The following SLC25A26 variants were observed in gnomAD, a reference collection of about 807,000 sequenced individuals.
SLC25A26 encodes the protein mitochondrial S-adenosylmethionine carrier protein.
Under a neutral mutation model 37.8 loss-of-function variants are expected in SLC25A26, and 36 were observed. That is an observed-to-expected ratio of 0.95 (90% confidence interval 0.73 to 1.26). The LOEUF (loss-of-function observed/expected upper bound fraction) is 1.26. Ranked by LOEUF, SLC25A26 falls within the 50% of genes most tolerant of loss-of-function variation. The pLI, the probability that SLC25A26 is intolerant of heterozygous loss-of-function variation, is 0.00. For missense variants in SLC25A26, 390 were observed against 331.1 expected, an observed-to-expected ratio of 1.18 and a Z score of -1.38; for synonymous variants, 129 against 122.5, an observed-to-expected ratio of 1.05 and a Z score of -0.35.
intron 1 of SLC25A26, among the ~76,000 whole-genome samples, chr3:66,145,125 G>GA (rs546816231): frequency 3.5e-4 from 53 of 151,174 alleles, no homozygotes; most frequent in South Asian, 1.3e-3. Flanking sequence ...TATTAACAAT[G>GA]AAAAAAAAAT....
At chr3:66,358,642 C>T (rs1409050723) in intron 6 of SLC25A26, among the ~76,000 whole-genome samples, 1 of 152,170 alleles carries the variant, frequency 6.6e-6, no homozygotes, top group Non-Finnish European at 1.5e-5. Context: ...TACTTAACAT[C>T]TTTGAGCCTC....
At chr3:66,261,037 G>A (rs578205606) in intron 3 of SLC25A26, among the ~76,000 whole-genome samples, 31 of 152,262 alleles carry the variant, frequency 2.0e-4, no homozygotes, top group African/African-American at 7.5e-4. Context: ...TTTGAGTTGT[G>A]TACTCTATTT....
At chr3:66,264,551 C>A (rs573154179) in intron 5 of SLC25A26, among the ~76,000 whole-genome samples, 1 of 152,116 alleles carries the variant, frequency 6.6e-6, no homozygotes, top group East Asian at 1.9e-4. Flanking sequence ...CATAGGAACA[C>A]GAACCCTATT....
At chr3:66,305,496 A>G (rs2075192212) in intron 5 of SLC25A26, among the ~76,000 whole-genome samples, 1 of 152,188 alleles carries the variant, frequency 6.6e-6, no homozygotes, top group East Asian at 1.9e-4. Flanking sequence ...TATGTAGGAT[A>G]TGCAGCTTTG....
chr3:66,259,285 T>C (rs2073428420), intron 3 of SLC25A26, among the ~76,000 whole-genome samples: 1 of 152,242 alleles, frequency 6.6e-6, no homozygotes, highest in Non-Finnish European at 1.5e-5. Context: ...GTTCTCTCTT[T>C]GGGTGTTACT....
At chr3:66,357,655 TGA>T (rs2076606661) in intron 6 of SLC25A26, among the ~76,000 whole-genome samples, 1 of 152,084 alleles carries the variant, frequency 6.6e-6, no homozygotes, top group Non-Finnish European at 1.5e-5. Flanking sequence ...TCTGTGGCAA[TGA>T]AATTACTTAT....
intron 1 of SLC25A26, among the ~76,000 whole-genome samples, chr3:66,192,954 G>GA (rs1359017527): frequency 1.3e-5 from 2 of 150,002 alleles, no homozygotes; most frequent in Middle Eastern, 3.2e-3. Context: ...ATGTCTGGAG[G>GA]AAAAAAAAAG....
At chr3:66,286,942 C>T (rs1408229560) in intron 5 of SLC25A26, among the ~76,000 whole-genome samples, 1 of 152,066 alleles carries the variant, frequency 6.6e-6, no homozygotes, top group Non-Finnish European at 1.5e-5. Flanking sequence ...GGATTACAGG[C>T]ATGAGCCACC....
intron 1 of SLC25A26, among the ~76,000 whole-genome samples, chr3:66,155,639 G>C (rs1378474814): frequency 2.0e-5 from 3 of 152,242 alleles, no homozygotes; most frequent in African/African-American, 7.2e-5. Context: ...GCAAGAAATA[G>C]AAACCAACCA....
intron 5 of SLC25A26, among the ~76,000 whole-genome samples, chr3:66,268,429 A>G (rs922932706): frequency 2.0e-5 from 3 of 152,244 alleles, no homozygotes; most frequent in Non-Finnish European, 4.4e-5. Context: ...AAGACAAAAC[A>G]TGATGTCATT....
chr3:66,169,342 G>A (rs528865418), intron 1 of SLC25A26, among the ~76,000 whole-genome samples: 20 of 152,250 alleles, frequency 1.3e-4, no homozygotes, highest in East Asian at 3.9e-4. Flanking sequence ...GTCCTGCCTC[G>A]GTTTCTCAGT....
At chr3:66,262,925 T>C (rs1386898949) in intron 4 of SLC25A26, among the ~76,000 whole-genome samples, 1 of 152,200 alleles carries the variant, frequency 6.6e-6, no homozygotes, top group East Asian at 1.9e-4. Flanking sequence ...TACAAAAGGA[T>C]AATTGGCATT....
At chr3:66,162,118 T>C (rs1033392955) in intron 1 of SLC25A26, among the ~76,000 whole-genome samples, 1 of 152,166 alleles carries the variant, frequency 6.6e-6, no homozygotes, top group Non-Finnish European at 1.5e-5. Flanking sequence ...CCTCTTACCT[T>C]GCCTTCCAGA....
At chr3:66,209,894 C>CTCTCTCTA (rs1553656243) in intron 1 of SLC25A26, among the ~76,000 whole-genome samples, 1 of 13,192 alleles carries the variant, frequency 7.6e-5, no homozygotes, top group African/African-American at 2.0e-4. Flanking sequence ...CTCTCTCTCT[C>CTCTCTCTA]TATTTATATA....
At chr3:66,199,263 C>G (rs995961792) in intron 1 of SLC25A26, among the ~76,000 whole-genome samples, 6 of 152,038 alleles carry the variant, frequency 3.9e-5, no homozygotes, top group Non-Finnish European at 5.9e-5. Flanking sequence ...TGACCATGAC[C>G]TTGACTGTGA....
intron 1 of SLC25A26, among the ~76,000 whole-genome samples, chr3:66,148,250 T>G (rs2070148810): frequency 6.6e-6 from 1 of 152,166 alleles, no homozygotes; most frequent in Non-Finnish European, 1.5e-5. Context: ...ACTCAAGATT[T>G]TTAAAAAAGG....
intron 2 of SLC25A26, among the ~76,000 whole-genome samples, chr3:66,242,903 T>G (rs1322312718): frequency 6.6e-6 from 1 of 152,238 alleles, no homozygotes; most frequent in Non-Finnish European, 1.5e-5. Context: ...TTTTCTAAAG[T>G]TGACTTTAAA....
chr3:66,177,095 T>A (rs891722435), intron 1 of SLC25A26, among the ~76,000 whole-genome samples: 13 of 152,224 alleles, frequency 8.5e-5, no homozygotes, highest in African/African-American at 3.1e-4. Context: ...ACTATCATCC[T>A]CTGTCTCCCT....
At chr3:66,277,172 C>G (rs2074180604) in intron 5 of SLC25A26, among the ~76,000 whole-genome samples, 1 of 152,042 alleles carries the variant, frequency 6.6e-6, no homozygotes, top group African/African-American at 2.4e-5. Context: ...GTAGTCTCAT[C>G]AATTACCAGC....
Sources: gnomAD v4.1 joint callset for allele counts (sites outside exome capture counted in the v4.1 genomes callset) on GRCh38, gnomAD v4.1.1 for gene constraint, MANE v1.5 for transcripts, NCBI Gene and HGNC (gene_info 2026-07-23, HGNC 2026-07-21) for gene names.